The following SPOCD1 variants were observed in gnomAD, a reference collection of about 807,000 sequenced individuals.
SPOCD1 encodes SPOC domain containing 1, also known as SPOC domain-containing protein 1.
Under a neutral mutation model 92.2 loss-of-function variants are expected in SPOCD1, and 64 were observed. The ratio of observed to expected loss-of-function variants is 0.69; its 90% confidence interval spans 0.57 to 0.86. The LOEUF (loss-of-function observed/expected upper bound fraction) is 0.86, where lower values mean the gene tolerates loss of function less well. Among genes scored for constraint, SPOCD1 ranks in the 40% least tolerant of loss-of-function variants. The pLI is 0.00. For missense variants in SPOCD1, 1,360 were observed against 1,543.1 expected, an observed-to-expected ratio of 0.88 and a Z score of 1.99; for synonymous variants, 578 against 619.3, an observed-to-expected ratio of 0.93 and a Z score of 0.99.
At chr1:31,806,115 CA>C (rs993730464) in intron 2 of SPOCD1, among the ~76,000 whole-genome samples, 142 of 141,798 alleles carry the variant, frequency 1.0e-3, no homozygotes, top group Non-Finnish European at 1.6e-3. Flanking sequence ...AACTATAAAG[CA>C]AAAAAAAAAC....
chr1:31,803,026 G>T (rs12756178), intron 2 of SPOCD1, among the ~76,000 whole-genome samples: 1 of 146,488 alleles, frequency 6.8e-6, no homozygotes, highest in East Asian at 2.0e-4. Context: ...AAGAAAACAG[G>T]GGTGTGGGAA....
intron 10 of SPOCD1, chr1:31,795,746 G>C (rs1198952685): frequency 6.6e-6 from 1 of 152,252 alleles, no homozygotes; most frequent in East Asian, 1.9e-4. Context: ...CCAGTGCCTA[G>C]AACCGTGCCT....
intron 7 of SPOCD1, 57 bp downstream of exon 7, chr1:31,799,344 C>A (rs115594549): frequency 2.7e-6 from 4 of 1,467,464 alleles, no homozygotes; most frequent in African/African-American, 1.4e-5. Flanking sequence ...GCCCCGGAGG[C>A]GGGGGCATGT....
Position 31,799,762 on chromosome 1 carries a change from C to G in SPOCD1, c.1783+47G>C, listed in dbSNP as rs201827728. ...AGCTGGGCCTGAGTCCTCCCCAGAC[C>G]CCAGCAGTCTCTGGAAGCAGAAGAG... On this transcript the variant is annotated intron_variant, in intron 6 of 15. Transcript: ENST00000360482. 2.5e-6 allele frequency: 4 copies of G among 1,605,028 alleles called. No individual in the cohort carries two copies. The East Asian group carries it at 8.9e-5, about 36-fold the overall frequency.
chr1:31,795,910 G>A (rs1164016218), intron 10 of SPOCD1: 1 of 155,258 alleles, frequency 6.4e-6, no homozygotes, highest in Admixed American at 6.3e-5. Flanking sequence ...CCTTCTGAGA[G>A]TGACCGAAGG....
At chr1:31,805,889 T>C (rs1166494108) in intron 2 of SPOCD1, among the ~76,000 whole-genome samples, 1 of 151,974 alleles carries the variant, frequency 6.6e-6, no homozygotes, top group East Asian at 1.9e-4. Context: ...TAAAACATAA[T>C]TATGCAAAAA....
At chr1:31,794,032 C>A in intron 11 of SPOCD1, 92 bp downstream of exon 11, 1 of 1,513,720 alleles carries the variant, frequency 6.6e-7, no homozygotes, top group Non-Finnish European at 9.1e-7. Flanking sequence ...CTGCCACCCT[C>A]TCCCCAGGCC....
In SPOCD1 at chr1:31,797,177, T is replaced by C. The variant is rs184539963; in HGVS notation, c.2146-462A>G. ...TATTAAACAACATATATAGAGTGCT[T>C]AGCCTGGAACATGGCTCATAGTAAA... On this transcript the variant is annotated intron_variant, in intron 9 of 15. Coordinates refer to ENST00000360482, the MANE Select transcript of SPOCD1 (RefSeq NM_144569.7). 5.3e-5 allele frequency among the ~76,000 whole-genome samples: 8 copies of C among 152,348 alleles called. No homozygotes were observed. The East Asian group carries it at 1.5e-3, about 29-fold the overall frequency.
intron 4 of SPOCD1, 48 bp downstream of exon 4, chr1:31,800,375 ATCTCTGTGAATCAGGTGT>A (rs973067660): frequency 1.4e-5 from 21 of 1,474,878 alleles, no homozygotes; most frequent in Non-Finnish European, 1.9e-5. Flanking sequence ...CCTCAGTGAC[ATCTCTGTGAATCAGGTGT>A]GAAGGTGCCT....
chr1:31,792,550 A>C (rs1162117045), intron 14 of SPOCD1, 128 bp downstream of exon 14: 2 of 1,138,394 alleles, frequency 1.8e-6, no homozygotes, highest in Admixed American at 2.3e-5. Context: ...CCAGGGTCAC[A>C]CAGTGAGTCT....
At position 31,800,745 on chromosome 1, in the gene SPOCD1, A is replaced by G. The variant is rs1040035286; in HGVS notation, c.1426-128T>C. The G allele has an allele frequency of 1.6e-5, 13 of 818,886 alleles. No homozygotes were observed. The African/African-American group carries it at 2.2e-4, about 14-fold the overall frequency. The allele number at this position is 818,886 out of a possible 1,614,324, so 50.7% of individuals were successfully genotyped here. ...GAGTGTAAGCTCCGTGAGGATAGAG[A>G]ACATGCCTGTCCTGGTCCCCGCTGT... On this transcript the variant is annotated intron_variant, in intron 3 of 15. Coordinates refer to ENST00000360482, the MANE Select transcript of SPOCD1 (RefSeq NM_144569.7).
chr1:31,791,982 GGGT>G (rs1647625595), intron 15 of SPOCD1: 2 of 588,236 alleles, frequency 3.4e-6, no homozygotes, highest in South Asian at 4.0e-5. Flanking sequence ...CATTCTCATA[GGGT>G]GATGAGACTA....
In SPOCD1 at chr1:31,815,341, C is replaced by T. The variant is rs1355341701; in HGVS notation, c.-8G>A. 4 of 1,525,504 alleles carry T rather than the reference C, an allele frequency of 2.6e-6. No individual in the cohort carries two copies. Among genetic ancestry groups the T allele is most frequent in the African/African-American group, 2.8e-5 (2 of 72,108 alleles). 94.5% of individuals were successfully genotyped at this position (1,525,504 alleles called of 1,614,324 possible). On this transcript the variant is annotated 5_prime_UTR_variant, in exon 2 of 16. Transcript: ENST00000360482. ...GTCCCCCGCCTGGGACATGTCTGTC[C>T]ACCTACCTGGGCCAAAAGCACAACA...
At chr1:31,793,544 C>A in intron 12 of SPOCD1, 116 bp from the exon 13 acceptor site, 1 of 1,507,164 alleles carries the variant, frequency 6.6e-7, no homozygotes, top group Non-Finnish European at 9.0e-7. Flanking sequence ...GGAACACTGG[C>A]CCAAGCTTGG....
intron 12 of SPOCD1, 37 bp from the exon 13 acceptor site, chr1:31,793,465 A>C: frequency 6.4e-7 from 1 of 1,561,576 alleles, no homozygotes; most frequent in Non-Finnish European, 8.7e-7. Context: ...CAGACAGAGC[A>C]GGCCATGAGG....
At position 31,798,669 on chromosome 1, in the gene SPOCD1, G is replaced by A; in HGVS notation, c.1869-68C>T. 2 of 1,548,684 alleles carry A rather than the reference G, an allele frequency of 1.3e-6. No homozygotes were observed. Among genetic ancestry groups the A allele is most frequent in the African/African-American group, 1.4e-5 (1 of 73,518 alleles). On this transcript the variant is annotated intron_variant, in intron 7 of 15. Transcript: ENST00000360482. The surrounding 1 kb of genome is among the most constrained non-coding windows in gnomAD (Gnocchi z 4.1). ...CTCTCCAGGCACTTAGTCCCAGAGGGAGGCAGCTGGGTGGGCGGCAGGGTC... is the reference window on the plus strand; with the variant it reads ...CTCTCCAGGCACTTAGTCCCAGAGGAAGGCAGCTGGGTGGGCGGCAGGGTC...
chr1:31,808,492 TATA>T (rs982505235), intron 2 of SPOCD1, among the ~76,000 whole-genome samples: 2 of 150,364 alleles, frequency 1.3e-5, no homozygotes, highest in Non-Finnish European at 3.0e-5. Flanking sequence ...TTGTAATAAT[TATA>T]ATAATAATTA....
chr1:31,815,563 C>T (rs1259644043), intron 1 of SPOCD1, among the ~76,000 whole-genome samples, 191 bp from the exon 2 acceptor site: 1 of 152,180 alleles, frequency 6.6e-6, no homozygotes, highest in East Asian at 1.9e-4. Flanking sequence ...GTGGAGAGGC[C>T]TGCCTCCAAA....
intron 6 of SPOCD1, 31 bp from the exon 7 acceptor site, chr1:31,799,516 G>A (rs948396700): frequency 1.1e-5 from 18 of 1,577,834 alleles, no homozygotes; most frequent in Non-Finnish European, 1.6e-5. Context: ...AGGCTCCCAG[G>A]GGTGCCCAGG....
Sources: gnomAD v4.1 joint callset for allele counts (sites outside exome capture counted in the v4.1 genomes callset) on GRCh38, gnomAD v4.1.1 for gene constraint, Gnocchi (gnomAD v3.1) non-coding constraint, MANE v1.5 for transcripts, NCBI Gene and HGNC (gene_info 2026-07-23, HGNC 2026-07-21) for gene names.